MED26: variants seen among roughly 807,000 people sequenced by gnomAD.
MED26 encodes mediator complex subunit 26, also known as mediator of RNA polymerase II transcription subunit 26.
A neutral mutation model predicts 43.7 loss-of-function variants in MED26; 7 were observed. The observed-to-expected ratio is 0.16, with a 90% CI of 0.09 to 0.30. MED26 has a LOEUF of 0.30. Ranked by LOEUF, MED26 falls within the 10% of genes least tolerant of loss-of-function variation. The pLI is 1.00. For missense variants in MED26, 784 were observed against 840.6 expected, an observed-to-expected ratio of 0.93 and a Z score of 0.83; for synonymous variants, 375 against 371.1, an observed-to-expected ratio of 1.01 and a Z score of -0.12.
At chr19:16,584,982 T>C (rs966035191) in intron 1 of MED26, among the ~76,000 whole-genome samples, 1 of 152,166 alleles carries the variant, frequency 6.6e-6, no homozygotes, top group African/African-American at 2.4e-5. Context: ...ATCTGGCCCC[T>C]GAGTGGGGCA....
chr19:16,614,532 A>G (rs1316981038), intron 1 of MED26, among the ~76,000 whole-genome samples: 2 of 151,960 alleles, frequency 1.3e-5, no homozygotes, highest in African/African-American at 4.8e-5. Flanking sequence ...ATTTCAAAAT[A>G]AAATAAAATA....
intron 1 of MED26, among the ~76,000 whole-genome samples, chr19:16,593,441 C>T (rs2086107101): frequency 6.6e-6 from 1 of 152,232 alleles, no homozygotes; most frequent in Non-Finnish European, 1.5e-5. Flanking sequence ...GGTCCAGCCT[C>T]CACCTGCAGG....
intron 1 of MED26, among the ~76,000 whole-genome samples, chr19:16,594,838 C>A (rs557915050): frequency 1.3e-5 from 2 of 152,186 alleles, no homozygotes; most frequent in Non-Finnish European, 2.9e-5. Context: ...TTTTACTACA[C>A]CCTAAGGCAG....
chr19:16,606,792 G>A (rs1433039002), intron 1 of MED26, among the ~76,000 whole-genome samples: 1 of 152,186 alleles, frequency 6.6e-6, no homozygotes, highest in Non-Finnish European at 1.5e-5. Flanking sequence ...ACACCAAGAA[G>A]CAATGTTGGT....
Position 16,587,023 on chromosome 19 carries a change from A to C in MED26, c.73-8614T>G, listed in dbSNP as rs35556784. ...GCAAGCAAGCTGTCCTTCCAAACCC[A>C]AACATGCCACAGATGGCACCCAGAA... On this transcript the variant is annotated intron_variant, in intron 1 of 2. Transcript: ENST00000263390. The surrounding 1 kb of genome is among the most constrained non-coding windows in gnomAD (Gnocchi z 4.9). 0.033 allele frequency: 5,081 copies of C among 152,104 alleles called. 126 individuals are homozygous for C. The highest frequency in any genetic ancestry group is 0.056 in the Non-Finnish European group (3,785 of 67,966). 9.4% of individuals were successfully genotyped at this position (152,104 alleles called of 1,614,324 possible). A position where few individuals can be genotyped will look rare whatever the true frequency, so the allele number is the denominator to read the frequency against.
chr19:16,608,275 C>A (rs1011524102), intron 1 of MED26, among the ~76,000 whole-genome samples: 64 of 152,330 alleles, frequency 4.2e-4, no homozygotes, highest in African/African-American at 1.5e-3. Context: ...TATAAGCTTA[C>A]AATAAGTTGT....
Position 16,628,170 on chromosome 19 carries a change from G to C in MED26, c.-227C>G. On this transcript the variant is annotated 5_prime_UTR_variant, in exon 1 of 3. Coordinates refer to ENST00000263390, the MANE Select transcript of MED26 (RefSeq NM_004831.5). Reference sequence around the variant, plus strand: ...AGGAGGAGCCGCCGGAGCCGCCGCCGCTCGCTGCCGCCGCCTCGAGAACCA... The same window carrying C: ...AGGAGGAGCCGCCGGAGCCGCCGCCCCTCGCTGCCGCCGCCTCGAGAACCA... 2.8e-6 allele frequency: 1 copy of C among 357,704 alleles called. No individual in the cohort carries two copies. The highest frequency in any genetic ancestry group is 5.0e-6 in the Non-Finnish European group (1 of 201,962). The allele number at this position is 357,704 out of a possible 1,614,324, so 22.2% of individuals were successfully genotyped here. A position where few individuals can be genotyped will look rare whatever the true frequency, so the allele number is the denominator to read the frequency against.
At chr19:16,598,290 T>TCA (rs1174811497) in intron 1 of MED26, among the ~76,000 whole-genome samples, 10 of 129,852 alleles carry the variant, frequency 7.7e-5, no homozygotes, top group African/African-American at 2.1e-4. Flanking sequence ...TGAGCTGAGA[T>TCA]CACGCCATTG....
rs766017319 is a variant in MED26 at position 16,578,695 on chromosome 19, C to T, written c.73-286G>A. 18 of 405,784 alleles carry T rather than the reference C, an allele frequency of 4.4e-5. No individual in the cohort carries two copies. The South Asian group carries it at 6.0e-4, about 13-fold the overall frequency. The allele number at this position is 405,784 out of a possible 1,614,324, so 25.1% of individuals were successfully genotyped here. On this transcript the variant is annotated intron_variant, in intron 1 of 2. Coordinates refer to ENST00000263390, the MANE Select transcript of MED26 (RefSeq NM_004831.5). The stretch of plus-strand genomic sequence containing the variant: ...CACCCACCTGCTGAAACCCAGGATG[C>T]CTGTGGAACAAGAGCTGCTCCTGAT...
chr19:16,617,622 C>T (rs2086232152), intron 1 of MED26, among the ~76,000 whole-genome samples: 1 of 152,204 alleles, frequency 6.6e-6, no homozygotes, highest in African/African-American at 2.4e-5. Context: ...TCTCTCCACC[C>T]CAATTTCAAT....
At chr19:16,605,877 T>A (rs557364853) in intron 1 of MED26, among the ~76,000 whole-genome samples, 1 of 152,314 alleles carries the variant, frequency 6.6e-6, no homozygotes, top group African/African-American at 2.4e-5. Flanking sequence ...AGTCACAAAG[T>A]GCTTTTTCAA....
rs2086003822 is a variant in MED26 at position 16,576,711 on chromosome 19, G to T, written c.1119C>A (p.Ser373=). 7 of 1,612,980 alleles carry T rather than the reference G, an allele frequency of 4.3e-6. No homozygotes were observed. The East Asian group carries it at 1.6e-4, about 36-fold the overall frequency. The part of the protein sequence containing the change: ...AEPLLSRAGF[S]PDSSKADSDA... Reference sequence around the variant, plus strand: ...CACTGTCCGCCTTGGAGGAGTCTGGGGAAAAGCCTGCCCGGGACAGGAGGG... The same window carrying T: ...CACTGTCCGCCTTGGAGGAGTCTGGTGAAAAGCCTGCCCGGGACAGGAGGG... Residue 373 remains serine (S), a synonymous_variant, in exon 3 of 3, where the codon TCC becomes TCA. Coordinates refer to ENST00000263390, the MANE Select transcript of MED26 (RefSeq NM_004831.5). The surrounding 1 kb of genome is among the most constrained non-coding windows in gnomAD (Gnocchi z 6.8).
chr19:16,609,029 G>A (rs926003592), intron 1 of MED26, among the ~76,000 whole-genome samples: 4 of 152,014 alleles, frequency 2.6e-5, no homozygotes, highest in African/African-American at 9.7e-5. Context: ...CAAAGATATC[G>A]ACCAGGCTGG....
Position 16,576,266 on chromosome 19 carries a change from G to A in MED26, c.1564C>T (p.Arg522Trp), listed in dbSNP as rs147206240. Residue 522 changes from arginine to tryptophan, a missense_variant, in exon 3 of 3, where the codon CGG becomes TGG. Coordinates refer to ENST00000263390, the MANE Select transcript of MED26 (RefSeq NM_004831.5). The surrounding 1 kb of genome is among the most constrained non-coding windows in gnomAD (Gnocchi z 6.8). ...ACATGCAGCTGCCTGGCCCCTTGCC[G>A]GGTGCTCTCCTCCTGCTTCAGGTAC... ...SEYLKQEESTRQGARQLHVLV... is the reference protein window; with the variant it reads ...SEYLKQEESTWQGARQLHVLV... The A allele has an allele frequency of 1.2e-5, 19 of 1,611,184 alleles. No individual in the cohort carries two copies. The African/African-American group carries it at 2.4e-4, about 20-fold the overall frequency.
chr19:16,620,590 C>T (rs2086247293), intron 1 of MED26, among the ~76,000 whole-genome samples: 1 of 152,188 alleles, frequency 6.6e-6, no homozygotes, highest in South Asian at 2.1e-4. Flanking sequence ...TTCACAATCA[C>T]ATGGAAAATG....
intron 1 of MED26, among the ~76,000 whole-genome samples, chr19:16,585,977 C>A (rs963712540): frequency 6.6e-6 from 1 of 152,176 alleles, no homozygotes; most frequent in Non-Finnish European, 1.5e-5. Context: ...GATTTCCAGC[C>A]CTGGTCTGAA....
At chr19:16,583,214 C>A (rs568753497) in intron 1 of MED26, among the ~76,000 whole-genome samples, 73 of 152,376 alleles carry the variant, frequency 4.8e-4, no homozygotes, top group African/African-American at 1.7e-3. Flanking sequence ...CTGAGGCCCC[C>A]TCCTCCTTTG....
chr19:16,595,280 ACT>A (rs2122410751), intron 1 of MED26, among the ~76,000 whole-genome samples: 1 of 151,974 alleles, frequency 6.6e-6, no homozygotes, highest in South Asian at 2.1e-4. Flanking sequence ...CTGTCTAGAC[ACT>A]CTGACCACAT....
At chr19:16,622,370 C>G (rs2086255884) in intron 1 of MED26, among the ~76,000 whole-genome samples, 1 of 152,176 alleles carries the variant, frequency 6.6e-6, no homozygotes, top group South Asian at 2.1e-4. Context: ...AGGTCTGTAC[C>G]CTCTACACCC....
Sources: allele counts gnomAD v4.1 joint callset (sites outside exome capture counted in the v4.1 genomes callset), GRCh38; gene constraint gnomAD v4.1.1; non-coding constraint Gnocchi (gnomAD v3.1); transcripts MANE v1.5; gene names NCBI Gene and HGNC (gene_info 2026-07-23, HGNC 2026-07-21).